Variants in CNTN5 observed in about 807,000 individuals in gnomAD.
CNTN5 encodes contactin 5, also known as contactin-5.
A neutral mutation model predicts 129.1 loss-of-function variants in CNTN5; 77 were observed. The observed-to-expected ratio is 0.60, with a 90% CI of 0.50 to 0.72. The LOEUF is 0.72. CNTN5 is among the 30% of genes least tolerant of loss of function. The pLI is 0.00. For synonymous variants in CNTN5, 509 were observed against 465.6 expected, an observed-to-expected ratio of 1.09 and a Z score of -1.20; for missense variants, 1,478 against 1,328.8, an observed-to-expected ratio of 1.11 and a Z score of -1.75.
At chr11:99,558,049 T>C (rs540475036) in intron 3 of CNTN5, among the ~76,000 whole-genome samples, 1 of 151,974 alleles carries the variant, frequency 6.6e-6, no homozygotes, top group African/African-American at 2.4e-5. Flanking sequence ...AGGATACCTC[T>C]ATAAAAAGTT....
rs531383417 is a variant in CNTN5, at chr11:99,692,874, A to G, written c.56-126670A>G. Among the ~76,000 whole-genome samples, 153 of 152,326 alleles carry G rather than the reference A, an allele frequency of 1.0e-3. 1 individual carries two copies. The highest frequency in any genetic ancestry group is 3.6e-3 in the African/African-American group (150 of 41,590). On this transcript the variant is annotated intron_variant, in intron 3 of 24. Coordinates refer to ENST00000524871, the MANE Select transcript of CNTN5 (RefSeq NM_014361.4). ...AAAAATTTATTGATATCATTAGAAT[A>G]GTACACATTTGTGGGACACTTAAGT...
intron 13 of CNTN5, among the ~76,000 whole-genome samples, chr11:100,133,271 T>C (rs977840708): frequency 4.6e-5 from 7 of 152,108 alleles, no homozygotes; most frequent in Non-Finnish European, 1.0e-4. Context: ...TGCACAAAAA[T>C]GTACTGCCAC....
In CNTN5 at chr11:99,128,842, C is replaced by T. The variant is rs79504207; in HGVS notation, c.-210+107572C>T. ...GGTGAACAGGATCTGGAGTAGACCC[C>T]CAGCACACTGCAGCAGACCTGCAGA... is the stretch of plus-strand genomic sequence containing the variant. On this transcript the variant is annotated intron_variant, in intron 1 of 24. Transcript: ENST00000524871. 5.5e-3 allele frequency among the ~76,000 whole-genome samples: 835 copies of T among 152,182 alleles called. 9 individuals are homozygous for T. The highest frequency in any genetic ancestry group is 0.019 in the African/African-American group (809 of 41,542).
chr11:100,199,696 A>G (rs1948729241), intron 15 of CNTN5, among the ~76,000 whole-genome samples: 1 of 151,700 alleles, frequency 6.6e-6, no homozygotes, highest in Non-Finnish European at 1.5e-5. Context: ...AAAGCAAATA[A>G]GAATGTCCAT....
chr11:99,111,718 T>C (rs1857804644), intron 1 of CNTN5, among the ~76,000 whole-genome samples: 1 of 151,994 alleles, frequency 6.6e-6, no homozygotes, highest in Admixed American at 6.6e-5. Flanking sequence ...GAAATAAAAT[T>C]TATACAGTTT....
chr11:99,586,080 T>G (rs1949783209), intron 3 of CNTN5, among the ~76,000 whole-genome samples: 1 of 152,154 alleles, frequency 6.6e-6, no homozygotes, highest in Non-Finnish European at 1.5e-5. Flanking sequence ...TTCATTCATT[T>G]AATTAAATCC....
chr11:99,246,625 A>G (rs1046943603), intron 1 of CNTN5, among the ~76,000 whole-genome samples: 1 of 152,206 alleles, frequency 6.6e-6, no homozygotes, highest in Non-Finnish European at 1.5e-5. Context: ...GCTGCCAAAT[A>G]GTAAACTCGA....
chr11:99,812,151 G>T (rs980366062), intron 3 of CNTN5, among the ~76,000 whole-genome samples: 43 of 152,070 alleles, frequency 2.8e-4, no homozygotes, highest in Admixed American at 3.9e-4. Context: ...GGTACATGTT[G>T]CTCTAGCCAA....
intron 3 of CNTN5, among the ~76,000 whole-genome samples, chr11:99,676,069 T>C (rs1183114297): frequency 2.6e-5 from 4 of 152,200 alleles, no homozygotes; most frequent in African/African-American, 9.6e-5. Flanking sequence ...AATTTTCGAA[T>C]GGGATAATAT....
intron 2 of CNTN5, among the ~76,000 whole-genome samples, chr11:99,326,381 AC>A (rs997980272): frequency 6.6e-6 from 1 of 152,206 alleles, no homozygotes; most frequent in African/African-American, 2.4e-5. Flanking sequence ...TTATCCTTTA[AC>A]TTGTTAGGTT....
chr11:99,146,026 G>C (rs927396702), intron 1 of CNTN5, among the ~76,000 whole-genome samples: 51 of 151,930 alleles, frequency 3.4e-4, no homozygotes, highest in African/African-American at 1.2e-3. Context: ...TAGGTACACA[G>C]TGTAAGTTTA....
chr11:100,144,456 C>T (rs1023656641), intron 13 of CNTN5, among the ~76,000 whole-genome samples: 3 of 152,016 alleles, frequency 2.0e-5, no homozygotes, highest in Admixed American at 6.6e-5. Flanking sequence ...CTCCCACCTA[C>T]GAGAACATGT....
chr11:99,354,572 C>A (rs1295592364), intron 2 of CNTN5, among the ~76,000 whole-genome samples: 1 of 152,134 alleles, frequency 6.6e-6, no homozygotes, highest in African/African-American at 2.4e-5. Flanking sequence ...GAGACATCAG[C>A]GACCCCTCTT....
intron 7 of CNTN5, among the ~76,000 whole-genome samples, chr11:99,937,245 G>T (rs769230575): frequency 6.6e-6 from 1 of 152,174 alleles, no homozygotes; most frequent in African/African-American, 2.4e-5. Context: ...ATGGGGAGAC[G>T]AAAGTCAGCA....
At chr11:99,822,266 A>C (rs1232538371) in intron 4 of CNTN5, among the ~76,000 whole-genome samples, 1 of 152,198 alleles carries the variant, frequency 6.6e-6, no homozygotes, top group Non-Finnish European at 1.5e-5. Flanking sequence ...CGGATATACA[A>C]CTTGGAGAAA....
intron 10 of CNTN5, 53 bp from the exon 11 acceptor site, chr11:100,070,371 G>T: frequency 6.5e-7 from 1 of 1,540,762 alleles, no homozygotes; most frequent in Non-Finnish European, 8.8e-7. Context: ...TTTAAACTTG[G>T]TAAAGCGTTT....
chr11:100,100,835 A>C (rs1318698079), intron 13 of CNTN5, among the ~76,000 whole-genome samples: 2 of 152,104 alleles, frequency 1.3e-5, no homozygotes, highest in Non-Finnish European at 2.9e-5. Context: ...CAGCTTGCTA[A>C]ATTTCTCAAT....
chr11:99,334,655 C>A (rs1169903059), intron 2 of CNTN5, among the ~76,000 whole-genome samples: 1 of 151,830 alleles, frequency 6.6e-6, no homozygotes, highest in African/African-American at 2.4e-5. Flanking sequence ...GCTATTGAAT[C>A]CTTGTAATGG....
At chr11:99,809,849 G>A (rs1946378408) in intron 3 of CNTN5, among the ~76,000 whole-genome samples, 1 of 151,984 alleles carries the variant, frequency 6.6e-6, no homozygotes, top group Admixed American at 6.6e-5. Flanking sequence ...CAGAGAATAG[G>A]AAAGTAAAAG....
Sources: allele counts gnomAD v4.1 joint callset (sites outside exome capture counted in the v4.1 genomes callset), GRCh38; gene constraint gnomAD v4.1.1; transcripts MANE v1.5; gene names NCBI Gene and HGNC (gene_info 2026-07-23, HGNC 2026-07-21).